SHTN1: variants seen among roughly 807,000 people sequenced by gnomAD.
SHTN1 encodes shootin-1.
In SHTN1, 42 loss-of-function variants were observed where a neutral mutation model predicts 83.1. The observed-to-expected ratio is 0.51, with a 90% CI of 0.39 to 0.65. The LOEUF (loss-of-function observed/expected upper bound fraction) is 0.65. SHTN1 is among the 30% of genes least tolerant of loss of function. SHTN1 has a pLI of 0.00. For synonymous variants in SHTN1, 224 were observed against 247.7 expected (o/e 0.90, Z 0.90); for missense variants, 622 against 737.8 (o/e 0.84, Z 1.82).
At chr10:116,928,478 C>G (rs370752224) in intron 10 of SHTN1, among the ~76,000 whole-genome samples, 9 of 152,198 alleles carry the variant, frequency 5.9e-5, no homozygotes, top group Admixed American at 2.6e-4. Context: ...AGGCATTTTA[C>G]TAAGCACCAA....
chr10:116,916,773 C>T (rs577203421), intron 12 of SHTN1, among the ~76,000 whole-genome samples: 1 of 152,348 alleles, frequency 6.6e-6, no homozygotes, highest in Admixed American at 6.5e-5. Context: ...TTACCCTCAT[C>T]TGTACAAGTC....
chr10:116,927,503 T>C (rs1564880708), intron 11 of SHTN1, among the ~76,000 whole-genome samples: 1 of 152,132 alleles, frequency 6.6e-6, no homozygotes, highest in Non-Finnish European at 1.5e-5. Context: ...GCAGGAGAAC[T>C]CCTCTTTATA....
At chr10:117,024,348 CTT>C (rs1174576153) in intron 2 of SHTN1, among the ~76,000 whole-genome samples, 176 of 77,640 alleles carry the variant, frequency 2.3e-3, no homozygotes, top group East Asian at 0.011. Flanking sequence ...CAAAACTTTT[CTT>C]TTTTTTTTTT....
intron 1 of SHTN1, among the ~76,000 whole-genome samples, chr10:117,070,899 C>G (rs1173941358): frequency 3.3e-5 from 5 of 151,994 alleles, no homozygotes; most frequent in Non-Finnish European, 7.4e-5. Context: ...GCTGCATCAT[C>G]TTCACCAGCC....
chr10:117,106,232 GA>G (rs200714936), intron 1 of SHTN1, among the ~76,000 whole-genome samples: 2,394 of 152,216 alleles, frequency 0.016, 60 homozygotes, highest in East Asian at 0.12. Flanking sequence ...TGAGGTGGGC[GA>G]ATCAGGAGGT....
intron 1 of SHTN1, among the ~76,000 whole-genome samples, chr10:117,070,240 A>AT (rs951349450): frequency 6.6e-5 from 10 of 152,028 alleles, no homozygotes; most frequent in African/African-American, 2.4e-4. Context: ...GGAGGTATAC[A>AT]TTTTTTCTAT....
chr10:116,967,654 T>C (rs1352490376), intron 3 of SHTN1, among the ~76,000 whole-genome samples: 1 of 152,176 alleles, frequency 6.6e-6, no homozygotes, highest in Non-Finnish European at 1.5e-5. Context: ...AAATTTTAAG[T>C]ATACAACACA....
chr10:116,911,747 C>T lies in SHTN1; in HGVS notation c.1359+43G>A, dbSNP rs74159006. The T allele has an allele frequency of 4.3e-4, 682 of 1,574,988 alleles. 4 individuals are homozygous for T. The African/African-American group carries it at 8.4e-3, about 19-fold the overall frequency. ...AACAGATTTTAAAATACTCTCCTTT[C>T]ATTTCCCCATTAGCTAAACAATAAA... On this transcript the variant is annotated intron_variant, in intron 14 of 16. Coordinates refer to ENST00000355371, the MANE Select transcript of SHTN1 (RefSeq NM_001127211.3).
upstream of SHTN1, chr10:117,005,431 A>G: frequency 9.2e-7 from 1 of 1,086,962 alleles, no homozygotes; most frequent in Non-Finnish European, 1.1e-6. Flanking sequence ...GTCGCTCCGC[A>G]CCCTTTTCTC....
intron 1 of SHTN1, among the ~76,000 whole-genome samples, chr10:116,979,598 T>A (rs1850942348): frequency 6.6e-6 from 1 of 152,224 alleles, no homozygotes; most frequent in African/African-American, 2.4e-5. Flanking sequence ...CTCCTGCTTT[T>A]AACAGTAAGG....
At chr10:117,101,044 G>A (rs1322488854) in intron 1 of SHTN1, among the ~76,000 whole-genome samples, 1 of 152,186 alleles carries the variant, frequency 6.6e-6, no homozygotes, top group Non-Finnish European at 1.5e-5. Flanking sequence ...ACCCTTGAAG[G>A]ATTTTAAGTG....
chr10:117,004,902 G>GT (rs1851957425), intron 1 of SHTN1, 120 bp downstream of exon 1: 5 of 824,116 alleles, frequency 6.1e-6, no homozygotes, highest in African/African-American at 1.8e-5. Flanking sequence ...AGCTACTGCG[G>GT]TGACCACGGC....
At chr10:117,057,303 C>A (rs1231345561) in intron 1 of SHTN1, among the ~76,000 whole-genome samples, 1 of 152,170 alleles carries the variant, frequency 6.6e-6, no homozygotes, top group Non-Finnish European at 1.5e-5. Flanking sequence ...CCATCCCCCA[C>A]CCCAAGCCAC....
intron 9 of SHTN1, among the ~76,000 whole-genome samples, chr10:116,930,291 A>C (rs1376391782): frequency 1.3e-5 from 2 of 152,034 alleles, no homozygotes; most frequent in Non-Finnish European, 2.9e-5. Context: ...ATATAGGTAA[A>C]TTGTGTGTCA....
rs76488629 is a variant in SHTN1, at chr10:117,051,211, T to C, written c.-188-2701A>G. Among the ~76,000 whole-genome samples, 476 of 151,984 alleles carry C rather than the reference T, an allele frequency of 3.1e-3. 2 individuals carry two copies. Among genetic ancestry groups the C allele is most frequent in the African/African-American group, 0.011 (445 of 41,438 alleles). Reference sequence around the variant, plus strand: ...CTACCACAACTGACTCAAGAAGAAATAGAAAATCTCAATAGACCTATAACA... The same window carrying C: ...CTACCACAACTGACTCAAGAAGAAACAGAAAATCTCAATAGACCTATAACA... On this transcript the variant is annotated intron_variant, in intron 1 of 17. Coordinates refer to the SHTN1 transcript ENST00000392901.
At chr10:116,893,503 T>A (rs781157429) in intron 16 of SHTN1, among the ~76,000 whole-genome samples, 1 of 149,840 alleles carries the variant, frequency 6.7e-6, no homozygotes, top group African/African-American at 2.5e-5. Flanking sequence ...GCTGGTAGTC[T>A]CTTCTCAGAA....
chr10:116,917,702 C>G (rs540497563), intron 12 of SHTN1, among the ~76,000 whole-genome samples: 1 of 152,312 alleles, frequency 6.6e-6, no homozygotes, highest in South Asian at 2.1e-4. Context: ...CCATTCAAAT[C>G]TGCTACAGCA....
intron 2 of SHTN1, among the ~76,000 whole-genome samples, chr10:117,048,184 A>G (rs1852694428): frequency 6.6e-6 from 1 of 152,316 alleles, no homozygotes; most frequent in South Asian, 2.1e-4. Context: ...TATAATTAAC[A>G]TTATGAATAA....
In SHTN1 at chr10:117,069,567, A is replaced by G. The variant is rs184725495; in HGVS notation, c.-188-21057T>C. 1.1e-3 allele frequency among the ~76,000 whole-genome samples: 170 copies of G among 152,326 alleles called. 1 individual carries two copies. The highest frequency in any genetic ancestry group is 3.9e-3 in the African/African-American group (162 of 41,578). On this transcript the variant is annotated intron_variant, in intron 1 of 17. Transcript: ENST00000392901. ...ACATTTATAACCCTTCAGGATTCAA[A>G]CCAGATAATATAAATGAAGGTCTTC...
Sources: gnomAD v4.1 joint callset for allele counts (sites outside exome capture counted in the v4.1 genomes callset) on GRCh38, gnomAD v4.1.1 for gene constraint, MANE v1.5 for transcripts, NCBI Gene and HGNC (gene_info 2026-07-23, HGNC 2026-07-21) for gene names.